Variants in TSHZ2 observed in about 807,000 individuals in gnomAD.
TSHZ2 encodes the protein teashirt zinc finger homeobox 2.
TSHZ2 carries 21 observed loss-of-function variants against 74.4 expected under a neutral mutation model. The observed-to-expected ratio is 0.28, with a 90% CI of 0.20 to 0.41. The LOEUF is 0.41. TSHZ2 is among the 10% of genes least tolerant of loss of function. The pLI is 1.00. For missense variants in TSHZ2, 1,244 were observed against 1,293.5 expected (o/e 0.96, Z 0.59); for synonymous variants, 540 against 515.3 (o/e 1.05, Z -0.65).
At chr20:53,417,824 A>C (rs543270379) in intron 2 of TSHZ2, among the ~76,000 whole-genome samples, 1 of 152,298 alleles carries the variant, frequency 6.6e-6, no homozygotes, top group African/African-American at 2.4e-5. Flanking sequence ...CTTCTATGGC[A>C]GTCTCTTTAC....
At position 53,460,929 on chromosome 20, in the gene TSHZ2, C is replaced by T. The variant is rs532171200; in HGVS notation, c.*9-26215C>T. 2.4e-3 allele frequency among the ~76,000 whole-genome samples: 373 copies of T among 152,348 alleles called. 2 individuals are homozygous for T. Among genetic ancestry groups the T allele is most frequent in the Non-Finnish European group, 2.6e-3 (174 of 68,030 alleles). ...ATCTCCAGCTGCGTACTGGGAGAAC[C>T]ACTGCTCTCTTCAAAGCTGTCAGAC... is the stretch of plus-strand genomic sequence containing the variant. On this transcript the variant is annotated intron_variant, in intron 2 of 2. Transcript: ENST00000371497.
intron 2 of TSHZ2, among the ~76,000 whole-genome samples, chr20:53,320,951 T>C (rs978812433): frequency 2.0e-5 from 3 of 152,228 alleles, no homozygotes; most frequent in Admixed American, 6.5e-5. Context: ...CCATGTACGA[T>C]AAACTTTTCT....
chr20:53,219,298 A>G (rs16997757), intron 1 of TSHZ2, among the ~76,000 whole-genome samples: 1,597 of 152,326 alleles, frequency 0.01, 37 homozygotes, highest in African/African-American at 0.036. Context: ...AGTTTAGCCA[A>G]CAACAAGAAA....
chr20:53,494,647 T>TA lies in TSHZ2; in HGVS notation c.*7514dup, dbSNP rs397978402. The TA allele has an allele frequency of 6.6e-6, 1 of 151,606 alleles. No individual in the cohort carries two copies. The highest frequency in any genetic ancestry group is 1.5e-5 in the Non-Finnish European group (1 of 67,956). 9.4% of individuals were successfully genotyped at this position (151,606 alleles called of 1,614,324 possible). ...TTTGCATCCAAAGAGTTTTTTTTTTTAAGGAAAATCATTCTACTTTGAGAA... is the reference window on the plus strand; with the variant it reads ...TTTGCATCCAAAGAGTTTTTTTTTTTAAAGGAAAATCATTCTACTTTGAGAA... On this transcript the variant is annotated 3_prime_UTR_variant, in exon 3 of 3. Coordinates refer to ENST00000371497, the MANE Select transcript of TSHZ2 (RefSeq NM_173485.6).
chr20:53,325,774 C>T (rs1042112984), intron 2 of TSHZ2, among the ~76,000 whole-genome samples: 4 of 151,734 alleles, frequency 2.6e-5, no homozygotes, highest in African/African-American at 9.7e-5. Context: ...ACTTTAGTAT[C>T]TTTTTTTTGT....
chr20:53,353,146 G>T (rs1213027573), intron 2 of TSHZ2, among the ~76,000 whole-genome samples: 2 of 152,206 alleles, frequency 1.3e-5, no homozygotes, highest in African/African-American at 4.8e-5. Context: ...CGTAGAAAAT[G>T]ATAGTCCAGG....
At chr20:53,197,000 T>A (rs2123561951) in intron 1 of TSHZ2, among the ~76,000 whole-genome samples, 1 of 152,372 alleles carries the variant, frequency 6.6e-6, no homozygotes, top group African/African-American at 2.4e-5. Flanking sequence ...AACACAGAAG[T>A]TGCCTTCCTC....
At chr20:53,029,295 C>A (rs1243449191) in intron 1 of TSHZ2, among the ~76,000 whole-genome samples, 3 of 152,096 alleles carry the variant, frequency 2.0e-5, no homozygotes, top group Admixed American at 1.3e-4. Flanking sequence ...TACAAAGAGA[C>A]AAGTACAAAA....
chr20:53,149,039 C>G (rs544871011), intron 1 of TSHZ2, among the ~76,000 whole-genome samples: 1 of 152,174 alleles, frequency 6.6e-6, no homozygotes, highest in Non-Finnish European at 1.5e-5. Context: ...CCAGTTTCTC[C>G]GTAGATAAAT....
chr20:53,245,129 G>A (rs182707769), intron 1 of TSHZ2, among the ~76,000 whole-genome samples: 9 of 152,270 alleles, frequency 5.9e-5, no homozygotes, highest in Admixed American at 5.9e-4. Context: ...TGCATTCTTG[G>A]TGTTTCACAT....
chr20:53,176,671 T>C (rs1988346579), intron 1 of TSHZ2, among the ~76,000 whole-genome samples: 1 of 151,942 alleles, frequency 6.6e-6, no homozygotes, highest in South Asian at 2.1e-4. Context: ...ATTTAGAAGT[T>C]GTATTTCTTT....
chr20:53,015,513 C>T (rs1223344662), intron 1 of TSHZ2, among the ~76,000 whole-genome samples: 4 of 152,036 alleles, frequency 2.6e-5, no homozygotes, highest in Admixed American at 2.6e-4. Context: ...GATGAGAACC[C>T]CAGGATAGAA....
At chr20:53,025,542 CA>C (rs1264157380) in intron 1 of TSHZ2, among the ~76,000 whole-genome samples, 1 of 152,190 alleles carries the variant, frequency 6.6e-6, no homozygotes, top group Admixed American at 6.5e-5. Context: ...AGGATCACAT[CA>C]GCCCTCCACC....
At chr20:53,291,445 C>T (rs1991275369) in intron 2 of TSHZ2, among the ~76,000 whole-genome samples, 1 of 145,524 alleles carries the variant, frequency 6.9e-6, no homozygotes, top group African/African-American at 2.6e-5. Context: ...TGCACTCTGG[C>T]CTGGACGATA....
intron 1 of TSHZ2, among the ~76,000 whole-genome samples, chr20:53,018,387 T>A (rs1419567474): frequency 1.3e-5 from 2 of 152,202 alleles, no homozygotes; most frequent in African/African-American, 2.4e-5. Flanking sequence ...CTCATTGGCT[T>A]GGTCAAGGTC....
intron 2 of TSHZ2, among the ~76,000 whole-genome samples, chr20:53,447,255 C>T (rs969466598): frequency 3.9e-5 from 6 of 152,192 alleles, no homozygotes; most frequent in Non-Finnish European, 7.3e-5. Flanking sequence ...TCCACGAATT[C>T]CTCCAGTCTT....
At chr20:53,038,908 G>GTTTGTTTGTTTGT (rs146845423) in intron 1 of TSHZ2, among the ~76,000 whole-genome samples, 1 of 148,004 alleles carries the variant, frequency 6.8e-6, no homozygotes, top group South Asian at 2.2e-4. Flanking sequence ...TTGTTTGTTT[G>GTTTGTTTGTTTGT]TTTTTGAGAT....
At chr20:53,096,354 G>A (rs1008203219) in intron 1 of TSHZ2, among the ~76,000 whole-genome samples, 1 of 152,084 alleles carries the variant, frequency 6.6e-6, no homozygotes, top group African/African-American at 2.4e-5. Context: ...TGTCGGCCAA[G>A]CTGGTCTCGA....
intron 1 of TSHZ2, among the ~76,000 whole-genome samples, chr20:53,063,205 G>A (rs1454065795): frequency 6.6e-6 from 1 of 152,090 alleles, no homozygotes; most frequent in African/African-American, 2.4e-5. Context: ...CTGGATGCAG[G>A]CTTGCCACAA....
Sources: gnomAD v4.1 joint callset for allele counts (sites outside exome capture counted in the v4.1 genomes callset) on GRCh38, gnomAD v4.1.1 for gene constraint, MANE v1.5 for transcripts, NCBI Gene and HGNC (gene_info 2026-07-23, HGNC 2026-07-21) for gene names.